GOLGA3: variants seen among roughly 807,000 people sequenced by gnomAD.
GOLGA3 encodes the protein golgin A3.
A neutral mutation model predicts 169.4 loss-of-function variants in GOLGA3; 75 were observed. The observed-to-expected ratio is 0.44, with a 90% CI of 0.37 to 0.54. The LOEUF (loss-of-function observed/expected upper bound fraction) is 0.54, where lower values mean the gene tolerates loss of function less well. Among genes scored for constraint, GOLGA3 ranks in the 20% least tolerant of loss-of-function variants. GOLGA3 has a pLI of 0.00. For synonymous variants in GOLGA3, 824 were observed against 822.4 expected (o/e 1.00, Z -0.03); for missense variants, 1,899 against 1,930.0 (o/e 0.98, Z 0.30).
At chr12:132,827,242 G>A (rs535082339) in intron 1 of GOLGA3, among the ~76,000 whole-genome samples, 2 of 152,336 alleles carry the variant, frequency 1.3e-5, no homozygotes, top group South Asian at 4.1e-4. Context: ...AGAGTACCTG[G>A]TGGAGGCCAC....
At position 132,816,730 on chromosome 12, in the gene GOLGA3, C is replaced by A. The variant is rs369517634; in HGVS notation, c.216G>T (p.Thr72=). ...GQGGLCQNGP[T]PPFPDPPSSL... is the part of the protein sequence containing the mutation. Reference sequence around the variant, plus strand: ...ACGACGGAGGGTCTGGGAAGGGTGGCGTTGGCCCGTTCTGACAGAGGCCTC... The same window carrying A: ...ACGACGGAGGGTCTGGGAAGGGTGGAGTTGGCCCGTTCTGACAGAGGCCTC... Residue 72 remains threonine, a synonymous_variant, in exon 3 of 24, where the codon ACG becomes ACT. Coordinates refer to ENST00000450791, the MANE Select transcript of GOLGA3 (RefSeq NM_001389683.1). The A allele has an allele frequency of 4.3e-6, 7 of 1,613,968 alleles. No individual in the cohort carries two copies. Among genetic ancestry groups the A allele is most frequent in the Non-Finnish European group, 5.9e-6 (7 of 1,179,900 alleles).
Position 132,775,087 on chromosome 12 carries a change from G to T in GOLGA3, c.4143+54C>A. On this transcript the variant is annotated intron_variant, in intron 22 of 23. Transcript: ENST00000450791. ...TAACACGTCTGCCAGCCTCCTGTCCGAGAGCATCTACAGCGCACGTCGGCT... is the reference window on the plus strand; with the variant it reads ...TAACACGTCTGCCAGCCTCCTGTCCTAGAGCATCTACAGCGCACGTCGGCT... 4 of 1,521,466 alleles carry T rather than the reference G, an allele frequency of 2.6e-6. No homozygotes were observed. In the South Asian group the frequency reaches 4.7e-5, roughly 18 times the overall value. The allele number at this position is 1,521,466 out of a possible 1,614,324, so 94.2% of individuals were successfully genotyped here.
rs1324415878 is a variant in GOLGA3 at position 132,771,386 on chromosome 12, T to C, written c.*1719A>G. 6.6e-6 allele frequency: 1 copy of C among 152,254 alleles called. No homozygotes were observed. Among genetic ancestry groups the C allele is most frequent in the Non-Finnish European group, 1.5e-5 (1 of 68,036 alleles). The allele number at this position is 152,254 out of a possible 1,614,324, so 9.4% of individuals were successfully genotyped here. A position where few individuals can be genotyped will look rare whatever the true frequency, so the allele number is the denominator to read the frequency against. On this transcript the variant is annotated 3_prime_UTR_variant, in exon 24 of 24. Transcript: ENST00000450791. ...CAGAGGAGGCCACGCGGACCCATTC[T>C]CTCTCTCCTAACTCATATAATAAAT...
chr12:132,798,268 T>G, intron 9 of GOLGA3, 72 bp downstream of exon 9: 1 of 1,400,906 alleles, frequency 7.1e-7, no homozygotes. Context: ...ACGGAACATG[T>G]AAGAAAACAC....
At position 132,801,922 on chromosome 12, in the gene GOLGA3, G is replaced by T; in HGVS notation, c.1645C>A (p.Gln549Lys). ...AGCGTCGTCCGCTCCAGCTGCACCTGCTGAAGCTGGCTCTGCAAGGCTGTC... is the reference window on the plus strand; with the variant it reads ...AGCGTCGTCCGCTCCAGCTGCACCTTCTGAAGCTGGCTCTGCAAGGCTGTC... ...QMTALQSQLQ[Q>K]VQLERTTLTS... The change falls in exon 8 of 24, where the codon CAG becomes AAG. Residue 549 changes from glutamine (Q) to lysine (K), a missense_variant. By Grantham distance (53) the Gln-to-Lys change is moderately conservative. Transcript: ENST00000450791. 5 of 1,601,452 alleles carry T rather than the reference G, an allele frequency of 3.1e-6. No individual in the cohort carries two copies. Among genetic ancestry groups the T allele is most frequent in the Non-Finnish European group, 4.2e-6 (5 of 1,179,806 alleles).
chr12:132,777,173 G>A lies in GOLGA3; in HGVS notation c.3723-83C>T. 6 of 1,444,846 alleles carry A rather than the reference G, an allele frequency of 4.2e-6. No individual in the cohort carries two copies. Among genetic ancestry groups the A allele is most frequent in the Non-Finnish European group, 5.6e-6 (6 of 1,071,352 alleles). 89.5% of individuals were successfully genotyped at this position (1,444,846 alleles called of 1,614,324 possible). Reference sequence around the variant, plus strand: ...CTCCCGCTGGGAAATGCTGCCTGTGGAAGGCGTTCGTCCTGGCAGGCCCTC... The same window carrying A: ...CTCCCGCTGGGAAATGCTGCCTGTGAAAGGCGTTCGTCCTGGCAGGCCCTC... On this transcript the variant is annotated intron_variant, in intron 19 of 23. Coordinates refer to ENST00000450791, the MANE Select transcript of GOLGA3 (RefSeq NM_001389683.1). The surrounding 1 kb of genome is among the most constrained non-coding windows in gnomAD (Gnocchi z 4.7).
intron 1 of GOLGA3, among the ~76,000 whole-genome samples, chr12:132,824,064 A>G (rs924533107): frequency 1.3e-5 from 2 of 152,224 alleles, no homozygotes; most frequent in African/African-American, 4.8e-5. Context: ...CCTGGGAGAC[A>G]AGCACAAAAC....
Position 132,813,302 on chromosome 12 carries a change from C to G in GOLGA3, c.519+5G>C. ...CATGAGCTTGTTCGGGAGAGGGAGACTCACCCTCTCCTGCTGGCGCTTCAC... is the reference window on the plus strand; with the variant it reads ...CATGAGCTTGTTCGGGAGAGGGAGAGTCACCCTCTCCTGCTGGCGCTTCAC... On this transcript the variant is annotated splice_donor_5th_base_variant and intron_variant, in intron 4 of 23. Coordinates refer to ENST00000450791, the MANE Select transcript of GOLGA3 (RefSeq NM_001389683.1). 6.4e-7 allele frequency: 1 copy of G among 1,563,252 alleles called. No homozygotes were observed. The highest frequency in any genetic ancestry group is 8.8e-7 in the Non-Finnish European group (1 of 1,134,078).
chr12:132,812,212 C>CACACACACAT (rs1481853600), intron 4 of GOLGA3, among the ~76,000 whole-genome samples: 81 of 116,312 alleles, frequency 7.0e-4, no homozygotes, highest in South Asian at 6.3e-3. Flanking sequence ...CACACACACA[C>CACACACACAT]ATATATATAT....
upstream of GOLGA3, chr12:132,828,938 A>G (rs1026643647): frequency 3.3e-5 from 5 of 152,244 alleles, no homozygotes; most frequent in Non-Finnish European, 7.3e-5. Context: ...TTCGTTCCGG[A>G]ACAGAGAACG....
chr12:132,801,677 C>A, intron 8 of GOLGA3, 90 bp downstream of exon 8: 1 of 1,284,454 alleles, frequency 7.8e-7, no homozygotes, highest in Non-Finnish European at 1.1e-6. Context: ...TGCCTGTGAA[C>A]TCTAAAAACA....
At chr12:132,780,468 T>C (rs533104844) in intron 18 of GOLGA3, among the ~76,000 whole-genome samples, 203 of 152,342 alleles carry the variant, frequency 1.3e-3, no homozygotes, top group Non-Finnish European at 2.4e-3. Context: ...ACCCCTCTTA[T>C]CTGCCGAACA....
In GOLGA3 at chr12:132,821,081, C is replaced by T. The variant is rs189380062; in HGVS notation, c.133+915G>A. On this transcript the variant is annotated intron_variant, in intron 2 of 23. Transcript: ENST00000450791. ...TGCCACTGCACTCCAGCCTGGGCGA[C>T]AGAACAGGACACCGTCTCAAAAAAA... 8.1e-5 allele frequency among the ~76,000 whole-genome samples: 9 copies of T among 110,592 alleles called. No homozygotes were observed. The East Asian group carries it at 2.3e-3, about 28-fold the overall frequency. 72.6% of individuals were successfully genotyped at this position (110,592 alleles called of 152,430 possible).
chr12:132,824,193 C>T (rs1950324521), intron 1 of GOLGA3, among the ~76,000 whole-genome samples: 1 of 152,202 alleles, frequency 6.6e-6, no homozygotes, highest in Admixed American at 6.5e-5. Context: ...GGTTTTTACT[C>T]TACCTGCCAT....
chr12:132,827,636 T>G (rs192703435), intron 1 of GOLGA3: 13 of 152,210 alleles, frequency 8.5e-5, no homozygotes, highest in Admixed American at 5.2e-4. Context: ...CTTAAGGCAA[T>G]CGGGGGAAAA....
chr12:132,828,687 G>T, intron 1 of GOLGA3, 116 bp downstream of exon 1: 2 of 153,050 alleles, frequency 1.3e-5, no homozygotes, highest in South Asian at 3.6e-4. Flanking sequence ...CCACGCTGCA[G>T]GGACGCGCCC....
chr12:132,809,758 G>C (rs999416299), intron 4 of GOLGA3, among the ~76,000 whole-genome samples: 2 of 152,108 alleles, frequency 1.3e-5, no homozygotes, highest in African/African-American at 4.8e-5. Context: ...AATGATTAAT[G>C]ATATTCATAT....
chr12:132,780,770 G>A (rs200533530), intron 18 of GOLGA3, 28 bp downstream of exon 18: 253 of 1,401,606 alleles, frequency 1.8e-4, no homozygotes, highest in Non-Finnish European at 2.2e-4. Context: ...CCTCTGGAAC[G>A]CCCTGTGAGA....
intron 7 of GOLGA3, among the ~76,000 whole-genome samples, chr12:132,803,533 C>T (rs768658591): frequency 2.0e-5 from 3 of 152,198 alleles, no homozygotes; most frequent in Non-Finnish European, 4.4e-5. Context: ...TGAAGCGTGG[C>T]AACCCACAGG....
Sources: gnomAD v4.1 joint callset for allele counts (sites outside exome capture counted in the v4.1 genomes callset) on GRCh38, gnomAD v4.1.1 for gene constraint, Gnocchi (gnomAD v3.1) non-coding constraint, MANE v1.5 for transcripts, NCBI Gene and HGNC (gene_info 2026-07-23, HGNC 2026-07-21) for gene names.